Variants in LAMB2 observed in about 807,000 individuals in gnomAD.
LAMB2 encodes the protein laminin subunit beta 2.
A neutral mutation model predicts 202.7 loss-of-function variants in LAMB2; 119 were observed. That is an observed-to-expected ratio of 0.59 (90% CI 0.51 to 0.68). The LOEUF (loss-of-function observed/expected upper bound fraction) is 0.68. LAMB2 is among the 30% of genes least tolerant of loss of function. The pLI, the probability that LAMB2 is intolerant of heterozygous loss-of-function variation, is 0.00. For missense variants in LAMB2, 2,124 were observed against 2,410.6 expected, an observed-to-expected ratio of 0.88 and a Z score of 2.49; for synonymous variants, 818 against 902.2, an observed-to-expected ratio of 0.91 and a Z score of 1.67.
chr3:49,132,228 G>C lies in LAMB2; in HGVS notation c.386-39C>G, dbSNP rs1560077269. 3 of 1,614,162 alleles carry C rather than the reference G, an allele frequency of 1.9e-6. No individual in the cohort carries two copies. Among genetic ancestry groups the C allele is most frequent in the African/African-American group, 1.3e-5 (1 of 75,040 alleles). On this transcript the variant is annotated intron_variant, in intron 3 of 31. Transcript: ENST00000305544. The surrounding 1 kb of genome is among the most constrained non-coding windows in gnomAD (Gnocchi z 4.6). The stretch of plus-strand genomic sequence containing the variant: ...CGGAAGTCAAGGACTCAAAGCTACT[G>C]GTGGGCAGCCCTGCTCACTTTTGCC...
rs201406827 is a variant in LAMB2, at chr3:49,131,103, C to G, written c.762G>C (p.Thr254=). The G allele has an allele frequency of 6.2e-7, 1 of 1,613,648 alleles. No individual in the cohort carries two copies. The highest frequency in any genetic ancestry group is 2.2e-5 in the East Asian group (1 of 44,896). Residue 254 remains threonine (T), a synonymous_variant, in exon 7 of 32, where the codon ACG becomes ACC. Transcript: ENST00000305544. The surrounding 1 kb of genome is among the most constrained non-coding windows in gnomAD (Gnocchi z 5.0). The part of the protein sequence containing the change: ...NLRVNLTRLH[T]LGDNLLDPRR... ...GTGGGTCGAGTAGGTTGTCTCCCAA[C>G]GTGTGTAGACGAGTCAGGTTCACCC...
Position 49,129,413 on chromosome 3 carries a change from C to A in LAMB2, c.1519-89G>T. 8.0e-7 allele frequency: 1 copy of A among 1,246,230 alleles called. No homozygotes were observed. The highest frequency in any genetic ancestry group is 1.2e-6 in the Non-Finnish European group (1 of 865,786). 77.2% of individuals were successfully genotyped at this position (1,246,230 alleles called of 1,614,324 possible). Reference sequence around the variant, plus strand: ...AAATCCCAACCACACGTCTTAGCCTCAATCACCCCTCAGTGAAAACATGCC... The same window carrying A: ...AAATCCCAACCACACGTCTTAGCCTAAATCACCCCTCAGTGAAAACATGCC... On this transcript the variant is annotated intron_variant, in intron 11 of 31. Coordinates refer to ENST00000305544, the MANE Select transcript of LAMB2 (RefSeq NM_002292.4). This position sits in a 1 kb window ranked among gnomAD's most constrained non-coding sequence, Gnocchi z 6.1.
chr3:49,128,917 A>G, intron 13 of LAMB2, 98 bp from the exon 14 acceptor site: 10 of 1,597,032 alleles, frequency 6.3e-6, no homozygotes, highest in Non-Finnish European at 8.5e-6. Flanking sequence ...AAAGCTAGAT[A>G]TCACCCCTAT....
At position 49,132,886 on chromosome 3, in the gene LAMB2, G is replaced by GT; in HGVS notation, c.-20_-19insA. On this transcript the variant is annotated 5_prime_UTR_variant, in exon 1 of 32. Coordinates refer to ENST00000305544, the MANE Select transcript of LAMB2 (RefSeq NM_002292.4). The surrounding 1 kb of genome is among the most constrained non-coding windows in gnomAD (Gnocchi z 4.6). The stretch of plus-strand genomic sequence containing the variant: ...GCTCCATCCTGAAGAGGGGAACAGG[G>GT]ATAAGGGGAGGTGAACGGTCTCGGG... 1 of 1,611,586 alleles carries GT rather than the reference G, an allele frequency of 6.2e-7. No individual in the cohort carries two copies. The highest frequency in any genetic ancestry group is 8.5e-7 in the Non-Finnish European group (1 of 1,177,810).
Position 49,129,639 on chromosome 3 carries a change from G to C in LAMB2, c.1483C>G (p.Arg495Gly), listed in dbSNP as rs1471365339. 4 of 1,613,992 alleles carry C rather than the reference G, an allele frequency of 2.5e-6. No homozygotes were observed. The highest frequency in any genetic ancestry group is 3.4e-6 in the Non-Finnish European group (4 of 1,179,966). ...TCACATCCACGTCCAGTCACTAGAC[G>C]TTTGCAGTAACAGGATCCACTGTTG... is the stretch of plus-strand genomic sequence containing the variant. ...DPNSGSCYCK[R>G]LVTGRGCDRC... is the part of the protein sequence containing the mutation. The change falls in exon 11 of 32, where the codon CGT (arginine) becomes GGT (glycine). Residue 495 changes from arginine (R) to glycine (G), a missense_variant. This residue lies in a region of LAMB2 where 1,702 missense variants were observed against 1,896.3 expected (regional missense o/e 0.90). Coordinates refer to ENST00000305544, the MANE Select transcript of LAMB2 (RefSeq NM_002292.4). The surrounding 1 kb of genome is among the most constrained non-coding windows in gnomAD (Gnocchi z 6.1).
chr3:49,121,371 G>C lies in LAMB2; in HGVS notation c.5261-9C>G, dbSNP rs373373330. 1 of 1,614,044 alleles carries C rather than the reference G, an allele frequency of 6.2e-7. No individual in the cohort carries two copies. The highest frequency in any genetic ancestry group is 8.5e-7 in the Non-Finnish European group (1 of 1,179,998). On this transcript the variant is annotated splice_polypyrimidine_tract_variant and intron_variant, in intron 31 of 31. Coordinates refer to ENST00000305544, the MANE Select transcript of LAMB2 (RefSeq NM_002292.4). ...ATAGGTGCCTTCCAATTCTAGGAAGGGCAGGTGTCAGTTTAGGGGGGGTTT... is the reference window on the plus strand; with the variant it reads ...ATAGGTGCCTTCCAATTCTAGGAAGCGCAGGTGTCAGTTTAGGGGGGGTTT...
chr3:49,122,629 G>A, intron 27 of LAMB2, 75 bp downstream of exon 27: 6 of 1,262,514 alleles, frequency 4.8e-6, no homozygotes, highest in Non-Finnish European at 7.0e-6. Flanking sequence ...GCTCAAGTAT[G>A]AACCAAGGGA....
At position 49,132,556 on chromosome 3, in the gene LAMB2, G is replaced by A. The variant is rs1360229137; in HGVS notation, c.184C>T (p.Leu62=). 1 of 1,613,588 alleles carries A rather than the reference G, an allele frequency of 6.2e-7. No homozygotes were observed. The highest frequency in any genetic ancestry group is 1.3e-5 in the African/African-American group (1 of 74,948). Reference sequence around the variant, plus strand: ...AGGCCACAAGTGGATGAGGCAGTCAGTCTGTCAGCTCGGCCCACCAGCAGG... The same window carrying A: ...AGGCCACAAGTGGATGAGGCAGTCAATCTGTCAGCTCGGCCCACCAGCAGG... ...GDLLVGRADR[L]TASSTCGLNG... is the part of the protein sequence containing the mutation. The change falls in exon 2 of 32, where the codon CTG becomes TTG. Residue 62 remains leucine (L), a synonymous_variant. Transcript: ENST00000305544. The surrounding 1 kb of genome is among the most constrained non-coding windows in gnomAD (Gnocchi z 4.6).
Position 49,130,403 on chromosome 3 carries a change from C to T in LAMB2, c.1053G>A (p.Gly351=), listed in dbSNP as rs749643038. The T allele has an allele frequency of 1.9e-6, 3 of 1,613,998 alleles. No individual in the cohort carries two copies. Among genetic ancestry groups the T allele is most frequent in the Admixed American group, 3.3e-5 (2 of 60,030 alleles). ...SHACRKCECH[G]HTHSCHFDMA... ...TGTCGAAGTGGCAGCTGTGGGTGTG[C>T]CCATGGCACTCACACTCTGGCAGGG... The change falls in exon 9 of 32, where the codon GGG becomes GGA. Residue 351 remains glycine (G), a synonymous_variant. Transcript: ENST00000305544. The surrounding 1 kb of genome is among the most constrained non-coding windows in gnomAD (Gnocchi z 5.0).
chr3:49,122,618 G>A, intron 27 of LAMB2, 86 bp downstream of exon 27: 1 of 1,182,274 alleles, frequency 8.5e-7, no homozygotes, highest in Non-Finnish European at 1.3e-6. Flanking sequence ...TAGTCCCTGA[G>A]GCTCAAGTAT....
In LAMB2 at chr3:49,128,786, C is replaced by A. The variant is rs369793777; in HGVS notation, c.1765G>T (p.Gly589Trp). The change falls in exon 14 of 32, where the codon GGG becomes TGG. Residue 589 changes from glycine to tryptophan, a missense_variant. Coordinates refer to ENST00000305544, the MANE Select transcript of LAMB2 (RefSeq NM_002292.4). ...GAGCCAGTCCAGGATGGAGTTTCCC[C>A]GGGGGTCACCAGGCGCTCCACCACA... ...LDVVERLVTP[G>W]ETPSWTGSGF... 18 of 1,613,832 alleles carry A rather than the reference C, an allele frequency of 1.1e-5. No individual in the cohort carries two copies. Among genetic ancestry groups the A allele is most frequent in the Non-Finnish European group, 1.5e-5 (18 of 1,179,814 alleles).
chr3:49,123,646 AG>A lies in LAMB2; in HGVS notation c.3798-16del, dbSNP rs750912455. 8 of 1,613,792 alleles carry A rather than the reference AG, an allele frequency of 5.0e-6. No homozygotes were observed. Among genetic ancestry groups the A allele is most frequent in the South Asian group, 3.3e-5 (3 of 91,076 alleles). ...CAATTTCACGCCTGCAATGATGGAG[AG>A]GGGGGTGTTTAGAGAGGCTTCAGCC... On this transcript the variant is annotated splice_polypyrimidine_tract_variant and intron_variant, in intron 24 of 31. Transcript: ENST00000305544.
Position 49,125,975 on chromosome 3 carries a change from C to A in LAMB2, c.2336G>T (p.Gly779Val), listed in dbSNP as rs200858061. Residue 779 changes from glycine (G) to valine (V), a missense_variant, in exon 17 of 32, where the codon GGT becomes GTT. By Grantham distance (109) the Gly-to-Val change is moderately radical. This residue lies in a region of LAMB2 where 1,702 missense variants were observed against 1,896.3 expected (regional missense o/e 0.90). Coordinates refer to ENST00000305544, the MANE Select transcript of LAMB2 (RefSeq NM_002292.4). Reference protein sequence around the residue: ...LISLSTLIYNGALPCQCNPQG... With the variant: ...LISLSTLIYNVALPCQCNPQG... ...ACATCACAGACACTCACGCAGGGCA[C>A]CATTGTAGATGAGGGTGGACAGGCT... 1.2e-6 allele frequency: 2 copies of A among 1,614,162 alleles called. No individual in the cohort carries two copies. The highest frequency in any genetic ancestry group is 1.7e-6 in the Non-Finnish European group (2 of 1,180,022).
chr3:49,124,515 G>A lies in LAMB2; in HGVS notation c.3207C>T (p.Pro1069=), dbSNP rs377452734. The change falls in exon 22 of 32, where the codon CCC becomes CCT. Residue 1069 remains proline (P), a synonymous_variant. Transcript: ENST00000305544. ...GGTCACAGCTAGGGCCCTGGACATT[G>A]GGGAGGCATGGGCACTGCCCACTGC... ...DPSSGQCPCL[P]NVQGPSCDRC... is the part of the protein sequence containing the mutation. 3.7e-6 allele frequency: 6 copies of A among 1,613,690 alleles called. No individual in the cohort carries two copies. In the African/African-American group the frequency reaches 5.3e-5, roughly 14 times the overall value.
Position 49,123,277 on chromosome 3 carries a change from T to A in LAMB2, c.4079A>T (p.Asn1360Ile). 2 of 1,614,060 alleles carry A rather than the reference T, an allele frequency of 1.2e-6. No homozygotes were observed. Among genetic ancestry groups the A allele is most frequent in the Middle Eastern group, 1.6e-4 (1 of 6,062 alleles). The change falls in exon 26 of 32, where the codon AAC (asparagine) becomes ATC (isoleucine). Residue 1360 changes from asparagine to isoleucine, a missense_variant. This residue lies in a region of LAMB2 where 1,702 missense variants were observed against 1,896.3 expected (regional missense o/e 0.90). Coordinates refer to ENST00000305544, the MANE Select transcript of LAMB2 (RefSeq NM_002292.4). Reference protein sequence around the residue: ...SALAVPSPVSNSASARHRTEA... With the variant: ...SALAVPSPVSISASARHRTEA... ...TGTCCGATGCCGAGCACTTGCCGAG[T>A]TGCTCACAGGGCTAGGTACTGCCAG...
At position 49,130,557 on chromosome 3, in the gene LAMB2, A is replaced by T; in HGVS notation, c.1037-138T>A. On this transcript the variant is annotated intron_variant, in intron 8 of 31. Coordinates refer to ENST00000305544, the MANE Select transcript of LAMB2 (RefSeq NM_002292.4). This position sits in a 1 kb window ranked among gnomAD's most constrained non-coding sequence, Gnocchi z 5.0. ...AGGGACTTCAAGGCCTCAGCATCAT[A>T]CTGGTTCCCTACCCAGAGCAGACTG... The T allele has an allele frequency of 7.5e-7, 1 of 1,335,014 alleles. No individual in the cohort carries two copies. The highest frequency in any genetic ancestry group is 1.1e-6 in the Non-Finnish European group (1 of 936,678). The allele number at this position is 1,335,014 out of a possible 1,614,324, so 82.7% of individuals were successfully genotyped here.
At position 49,132,499 on chromosome 3, in the gene LAMB2, G is replaced by A. The variant is rs962143632; in HGVS notation, c.241C>T (p.His81Tyr). Residue 81 changes from histidine (H) to tyrosine (Y), a missense_variant, in exon 2 of 32, where the codon CAC (histidine) becomes TAC (tyrosine). Transcript: ENST00000305544. The surrounding 1 kb of genome is among the most constrained non-coding windows in gnomAD (Gnocchi z 4.6). ...CCTGTCCCCAGCCACACCTGCAGGT[G>A]ACTGACGATGCAGTAGGGCTGGGGG... is the stretch of plus-strand genomic sequence containing the variant. ...NGPQPYCIVS[H>Y]LQDEKKCFLC... 31 of 1,613,860 alleles carry A rather than the reference G, an allele frequency of 1.9e-5. No individual in the cohort carries two copies. The highest frequency in any genetic ancestry group is 2.5e-5 in the Non-Finnish European group (29 of 1,180,020).
In LAMB2 at chr3:49,123,144, G is replaced by C; in HGVS notation, c.4212C>G (p.Asp1404Glu). The C allele has an allele frequency of 6.2e-7, 1 of 1,612,702 alleles. No homozygotes were observed. The highest frequency in any genetic ancestry group is 8.5e-7 in the Non-Finnish European group (1 of 1,180,020). Residue 1404 changes from aspartate (D) to glutamate (E), a missense_variant, in exon 26 of 32, where the codon GAC becomes GAG. Physicochemically the swap from Asp to Glu is conservative, Grantham distance 45. Around this residue, in one of 3 missense-constraint regions of LAMB2, gnomAD observed 1,702 missense variants for 1,896.3 expected, o/e 0.90. Coordinates refer to ENST00000305544, the MANE Select transcript of LAMB2 (RefSeq NM_002292.4). ...ACTTCAACCTCACCAGCTCATTTAT[G>C]TCTGTCAGGCTCAGGGTGTGGGTAT... ...SAHTHTLSLT[D>E]INELVCGAPG... is the part of the protein sequence containing the mutation.
Position 49,131,420 on chromosome 3 carries a change from G to A in LAMB2, c.671C>T (p.Pro224Leu). 6.2e-7 allele frequency: 1 copy of A among 1,614,154 alleles called. No individual in the cohort carries two copies. Among genetic ancestry groups the A allele is most frequent in the Non-Finnish European group, 8.5e-7 (1 of 1,180,024 alleles). ...GTAGGGGTCTGGGATAGGGATGGCA[G>A]GGTCCAGCACACGATAGATGACCTG... ...EGEVIYRVLD[P>L]AIPIPDPYSS... The change falls in exon 6 of 32, where the codon CCT (proline) becomes CTT (leucine). Residue 224 changes from proline (P) to leucine (L), a missense_variant. Transcript: ENST00000305544. This position sits in a 1 kb window ranked among gnomAD's most constrained non-coding sequence, Gnocchi z 5.0.
Sources: gnomAD v4.1 joint callset for allele counts on GRCh38, gnomAD v4.1.1 for gene constraint, gnomAD v4.1.1 regional missense constraint, Gnocchi (gnomAD v3.1) non-coding constraint, MANE v1.5 for transcripts, NCBI Gene and HGNC (gene_info 2026-07-23, HGNC 2026-07-21) for gene names.